Variants in ATXN7L1 observed in about 807,000 individuals in gnomAD.
The protein encoded by ATXN7L1 is ataxin 7 like 1.
A neutral mutation model predicts 70.8 loss-of-function variants in ATXN7L1; 15 were observed. The ratio of observed to expected loss-of-function variants is 0.21; its 90% confidence interval spans 0.14 to 0.33. The LOEUF is 0.33. ATXN7L1 is among the 10% of genes least tolerant of loss of function. The pLI is 1.00. For missense variants in ATXN7L1, 975 were observed against 1,097.1 expected (o/e 0.89, Z 1.57); for synonymous variants, 440 against 445.1 (o/e 0.99, Z 0.14).
intron 2 of ATXN7L1, among the ~76,000 whole-genome samples, chr7:105,833,237 T>G (rs1044822802): frequency 6.6e-5 from 10 of 152,114 alleles, no homozygotes; most frequent in African/African-American, 2.4e-4. Flanking sequence ...TTTCCTCAGA[T>G]CATTCAGTCT....
chr7:105,655,790 A>C (rs1004165689), intron 4 of ATXN7L1, among the ~76,000 whole-genome samples: 6 of 152,136 alleles, frequency 3.9e-5, no homozygotes, highest in Non-Finnish European at 8.8e-5. Flanking sequence ...CCTCAGCCCC[A>C]GTTGCTCCGG....
chr7:105,667,188 G>A (rs1802739861), intron 3 of ATXN7L1, among the ~76,000 whole-genome samples: 2 of 152,146 alleles, frequency 1.3e-5, no homozygotes, highest in African/African-American at 4.8e-5. Context: ...AAGCAGCCAG[G>A]GGTCTCCACC....
At position 105,630,990 on chromosome 7, in the gene ATXN7L1, T is replaced by C. The variant is rs182778361; in HGVS notation, c.1203-6723A>G. Among the ~76,000 whole-genome samples, 5 of 152,218 alleles carry C rather than the reference T, an allele frequency of 3.3e-5. No homozygotes were observed. In the East Asian group the frequency reaches 9.6e-4, roughly 29 times the overall value. ...CTGCATGTGCCTGGAATTGCTACAG[T>C]CATTTTGCTATAGGACTTTGAGGAT... On this transcript the variant is annotated intron_variant, in intron 7 of 11. Coordinates refer to ENST00000419735, the MANE Select transcript of ATXN7L1 (RefSeq NM_020725.2).
At chr7:105,792,103 C>T (rs1287891877) in intron 2 of ATXN7L1, among the ~76,000 whole-genome samples, 2 of 152,156 alleles carry the variant, frequency 1.3e-5, no homozygotes, top group Admixed American at 1.3e-4. Context: ...GTCTCCCCCA[C>T]CCCCACAGTC....
At chr7:105,860,791 G>A (rs1001414080) in intron 2 of ATXN7L1, among the ~76,000 whole-genome samples, 1 of 152,196 alleles carries the variant, frequency 6.6e-6, no homozygotes, top group Non-Finnish European at 1.5e-5. Context: ...AAGATGCTTA[G>A]TCGAACTATA....
At chr7:105,790,576 G>A (rs1585012642) in intron 2 of ATXN7L1, among the ~76,000 whole-genome samples, 1 of 151,974 alleles carries the variant, frequency 6.6e-6, no homozygotes, top group East Asian at 1.9e-4. Flanking sequence ...GTGAGACCCT[G>A]TCTCAGAAAG....
chr7:105,748,501 C>T (rs779487102), intron 3 of ATXN7L1, among the ~76,000 whole-genome samples: 80 of 152,306 alleles, frequency 5.3e-4, no homozygotes, highest in Non-Finnish European at 1.0e-3. Context: ...ACCTGTTGGA[C>T]CACACAAATG....
chr7:105,854,606 A>G (rs565225148), intron 2 of ATXN7L1, among the ~76,000 whole-genome samples: 13 of 151,652 alleles, frequency 8.6e-5, no homozygotes, highest in South Asian at 4.2e-4. Flanking sequence ...TCTGATTTCT[A>G]TGGACAATTA....
chr7:105,655,328 T>C (rs1464828729), intron 4 of ATXN7L1, among the ~76,000 whole-genome samples: 1 of 152,206 alleles, frequency 6.6e-6, no homozygotes, highest in Non-Finnish European at 1.5e-5. Context: ...CACCCTCTCT[T>C]ACCCCTTCCC....
chr7:105,725,927 G>C (rs1324184384), intron 3 of ATXN7L1, among the ~76,000 whole-genome samples: 1 of 141,438 alleles, frequency 7.1e-6, no homozygotes, highest in African/African-American at 2.7e-5. Context: ...TTTTGAGACA[G>C]AGTCTTGCTC....
chr7:105,681,822 C>T (rs1236760705), intron 3 of ATXN7L1, among the ~76,000 whole-genome samples: 1 of 152,044 alleles, frequency 6.6e-6, no homozygotes, highest in African/African-American at 2.4e-5. Flanking sequence ...ATGAGGTGCT[C>T]GAGATAGTCA....
chr7:105,664,463 GTGTATA>G (rs1472305147), intron 4 of ATXN7L1, among the ~76,000 whole-genome samples: 2 of 146,710 alleles, frequency 1.4e-5, no homozygotes, highest in Non-Finnish European at 3.0e-5. Context: ...ATATGTATGT[GTGTATA>G]TGTATAATAT....
intron 3 of ATXN7L1, among the ~76,000 whole-genome samples, chr7:105,667,858 G>A (rs1802901245): frequency 6.6e-6 from 1 of 152,204 alleles, no homozygotes; most frequent in Admixed American, 6.5e-5. Context: ...TCTCAGAAAT[G>A]TCTTGTTTAG....
intron 2 of ATXN7L1, among the ~76,000 whole-genome samples, chr7:105,790,606 T>TATC (rs1320463571): frequency 7.5e-6 from 1 of 133,658 alleles, no homozygotes; most frequent in East Asian, 2.2e-4. Flanking sequence ...AAGAAAAAAA[T>TATC]TATCTATCTA....
chr7:105,785,969 C>T (rs1047404523), intron 3 of ATXN7L1, among the ~76,000 whole-genome samples: 4 of 152,220 alleles, frequency 2.6e-5, no homozygotes, highest in African/African-American at 9.7e-5. Flanking sequence ...CTGACTTAGA[C>T]AATCATGAAG....
At chr7:105,848,838 ATTC>A (rs1563141716) in intron 2 of ATXN7L1, among the ~76,000 whole-genome samples, 1 of 152,074 alleles carries the variant, frequency 6.6e-6, no homozygotes, top group African/African-American at 2.4e-5. Flanking sequence ...CCCAGTGACT[ATTC>A]TTCTAGCCTC....
At chr7:105,721,538 G>A (rs142175684) in intron 3 of ATXN7L1, among the ~76,000 whole-genome samples, 387 of 152,310 alleles carry the variant, frequency 2.5e-3, no homozygotes, top group Non-Finnish European at 4.3e-3. Flanking sequence ...TCACAGCCAC[G>A]CCTGAGGCTT....
At chr7:105,696,623 C>G (rs560335011) in intron 3 of ATXN7L1, among the ~76,000 whole-genome samples, 1 of 152,164 alleles carries the variant, frequency 6.6e-6, no homozygotes, top group African/African-American at 2.4e-5. Context: ...TTAAAATGCG[C>G]TAATGGAGAG....
At chr7:105,789,050 T>C (rs1020099174) in intron 2 of ATXN7L1, among the ~76,000 whole-genome samples, 1 of 152,202 alleles carries the variant, frequency 6.6e-6, no homozygotes. Context: ...ACTGAGGCTC[T>C]ATATAGCTCA....
Sources: gnomAD v4.1 joint callset for allele counts (sites outside exome capture counted in the v4.1 genomes callset) on GRCh38, gnomAD v4.1.1 for gene constraint, MANE v1.5 for transcripts, NCBI Gene and HGNC (gene_info 2026-07-23, HGNC 2026-07-21) for gene names.